CDON: variants seen among roughly 807,000 people sequenced by gnomAD.
CDON encodes cell adhesion associated, oncogene regulated.
Under a neutral mutation model 120.9 loss-of-function variants are expected in CDON, and 73 were observed. The observed-to-expected ratio is 0.60, with a 90% confidence interval of 0.50 to 0.73. The LOEUF is 0.73. Ranked by LOEUF, CDON falls within the 30% of genes least tolerant of loss-of-function variation. The probability of loss-of-function intolerance (pLI) is 0.00; values close to 1 mark genes in which losing one functional copy is unlikely to be tolerated. For synonymous variants in CDON, 566 were observed against 573.5 expected (o/e 0.99, Z 0.19); for missense variants, 1,470 against 1,587.3 (o/e 0.93, Z 1.26).
chr11:126,007,765 G>GA (rs1476562576), intron 8 of CDON, among the ~76,000 whole-genome samples: 1 of 152,130 alleles, frequency 6.6e-6, no homozygotes, highest in Non-Finnish European at 1.5e-5. Context: ...TTAAAAGGGG[G>GA]ATTCAATTAA....
chr11:126,035,694 C>T (rs1035330014), intron 1 of CDON, among the ~76,000 whole-genome samples: 6 of 152,142 alleles, frequency 3.9e-5, no homozygotes, highest in African/African-American at 1.4e-4. Context: ...TGGCCTATGT[C>T]AGGAAAACCT....
At chr11:126,016,135 C>T (rs145118232) in intron 6 of CDON, among the ~76,000 whole-genome samples, 1 of 152,270 alleles carries the variant, frequency 6.6e-6, no homozygotes, top group East Asian at 1.9e-4. Flanking sequence ...GTGTTGCTAA[C>T]CTATAGCAGG....
intron 1 of CDON, among the ~76,000 whole-genome samples, chr11:126,053,026 T>A (rs1337599423): frequency 6.6e-6 from 1 of 152,004 alleles, no homozygotes; most frequent in Non-Finnish European, 1.5e-5. Flanking sequence ...CTGGAATGGA[T>A]CCCCCATGGA....
At position 126,034,763 on chromosome 11, in the gene CDON, G is replaced by A. The variant is rs891002965; in HGVS notation, c.-61-11226C>T. On this transcript the variant is annotated intron_variant, in intron 1 of 19. Coordinates refer to ENST00000531738, the MANE Select transcript of CDON (RefSeq NM_001378964.1). The surrounding 1 kb of genome is among the most constrained non-coding windows in gnomAD (Gnocchi z 4.5). ...AAAGACAAAATATAGAAAATTTCAA[G>A]GGGATTATTTTGCAAGTCCCATGGA... Among the ~76,000 whole-genome samples the A allele has an allele frequency of 4.6e-5, 7 of 152,192 alleles. No individual in the cohort carries two copies. Among genetic ancestry groups the A allele is most frequent in the African/African-American group, 1.4e-4 (6 of 41,448 alleles).
chr11:125,971,369 C>G (rs112032876), intron 18 of CDON, among the ~76,000 whole-genome samples: 2 of 129,992 alleles, frequency 1.5e-5, no homozygotes, highest in Non-Finnish European at 3.5e-5. Flanking sequence ...GGCGACACAG[C>G]GAGACTCTGT....
chr11:125,984,021 C>T lies in CDON; in HGVS notation c.2846G>A (p.Gly949Glu). Residue 949 changes from glycine (G) to glutamate (E), a missense_variant, in exon 16 of 20, where the codon GGA (glycine) becomes GAA (glutamate). Transcript: ENST00000531738. ...LSTPPNSLGS[G>E]GNVGPATSPA... Reference sequence around the variant, plus strand: ...GCTGGTTGCAGGCCCCACATTTCCTCCACTTCCCAAAGAATTTGGAGGGGT... The same window carrying T: ...GCTGGTTGCAGGCCCCACATTTCCTTCACTTCCCAAAGAATTTGGAGGGGT... 1.2e-6 allele frequency: 2 copies of T among 1,614,056 alleles called. No homozygotes were observed. The highest frequency in any genetic ancestry group is 1.7e-6 in the Non-Finnish European group (2 of 1,179,974).
chr11:126,036,972 G>A (rs550617000), intron 1 of CDON, among the ~76,000 whole-genome samples: 3 of 152,240 alleles, frequency 2.0e-5, no homozygotes, highest in East Asian at 1.9e-4. Context: ...ACAGGCATGT[G>A]AGCCACCATA....
At position 125,978,345 on chromosome 11, in the gene CDON, A is replaced by T. The variant is rs777571952; in HGVS notation, c.3315T>A (p.Pro1105=). The T allele has an allele frequency of 1.2e-6, 2 of 1,610,192 alleles. No homozygotes were observed. The highest frequency in any genetic ancestry group is 1.7e-6 in the Non-Finnish European group (2 of 1,177,674). The change falls in exon 18 of 20, where the codon CCT becomes CCA. Residue 1105 remains proline (P), a synonymous_variant. Coordinates refer to ENST00000531738, the MANE Select transcript of CDON (RefSeq NM_001378964.1). ...GMYTAVPQID[P]LECVNCRNCR... is the part of the protein sequence containing the mutation. ...AATTTCGGCAGTTAACACACTCCAG[A>T]GGGTCAATCTGAGGCACGGCCGTGT...
At position 125,979,561 on chromosome 11, in the gene CDON, C is replaced by T. The variant is rs187989007; in HGVS notation, c.3277-1178G>A. Among the ~76,000 whole-genome samples, 465 of 152,102 alleles carry T rather than the reference C, an allele frequency of 3.1e-3. 3 individuals are homozygous for T. Among genetic ancestry groups the T allele is most frequent in the African/African-American group, 0.011 (436 of 41,494 alleles). On this transcript the variant is annotated intron_variant, in intron 17 of 19. Coordinates refer to ENST00000531738, the MANE Select transcript of CDON (RefSeq NM_001378964.1). ...TCCCCCACCCAGAAAAGTAAGAAAA[C>T]GAATAATTTAGAATCACAGATAACT...
chr11:126,012,403 T>C (rs1947329052), intron 7 of CDON, among the ~76,000 whole-genome samples: 1 of 152,034 alleles, frequency 6.6e-6, no homozygotes, highest in Non-Finnish European at 1.5e-5. Context: ...GAAAGGCAAC[T>C]GATTTTTTTT....
chr11:126,015,603 C>A lies in CDON; in HGVS notation c.929-93G>T, dbSNP rs1159395745. ...ATAAAAATCTTCTCTCTACCAATAA[C>A]CAGTTGAAACAAAGTTGCATTGTTT... On this transcript the variant is annotated intron_variant, in intron 6 of 19. Coordinates refer to ENST00000531738, the MANE Select transcript of CDON (RefSeq NM_001378964.1). The A allele has an allele frequency of 4.6e-6, 6 of 1,302,056 alleles. No individual in the cohort carries two copies. In the Admixed American group the frequency reaches 9.5e-5, roughly 21 times the overall value. The allele number at this position is 1,302,056 out of a possible 1,614,324, so 80.7% of individuals were successfully genotyped here.
At chr11:125,974,747 C>A (rs112077635) in intron 18 of CDON, among the ~76,000 whole-genome samples, 1 of 152,106 alleles carries the variant, frequency 6.6e-6, no homozygotes, top group Non-Finnish European at 1.5e-5. Flanking sequence ...GAAGCCAAGA[C>A]CAGCATTTTC....
rs1947118177 is a variant in CDON at position 126,006,031 on chromosome 11, C to T, written c.1579G>A (p.Glu527Lys). The T allele has an allele frequency of 3.1e-6, 5 of 1,613,914 alleles. No homozygotes were observed. The highest frequency in any genetic ancestry group is 1.6e-4 in the Middle Eastern group (1 of 6,084). The change falls in exon 9 of 20, where the codon GAG (glutamate) becomes AAG (lysine). Residue 527 changes from glutamate (E) to lysine (K), a missense_variant. By Grantham distance (56) the Glu-to-Lys change is moderately conservative (BLOSUM62 1). Coordinates refer to ENST00000531738, the MANE Select transcript of CDON (RefSeq NM_001378964.1). ...VVPFETNTKA[E>K]TVTLPDAAQN... ...GCAGCATCAGGAAGTGTGACTGTCTCTGCTTTTGTATTTGTTTCAAAAGGA... is the reference window on the plus strand; with the variant it reads ...GCAGCATCAGGAAGTGTGACTGTCTTTGCTTTTGTATTTGTTTCAAAAGGA...
chr11:125,994,443 A>C, intron 13 of CDON, 54 bp from the exon 14 acceptor site: 9 of 961,386 alleles, frequency 9.4e-6, no homozygotes, highest in Non-Finnish European at 1.5e-5. Context: ...TAACCTTCTC[A>C]TTCATTAAGG....
At chr11:126,013,512 T>C (rs943746534) in intron 7 of CDON, among the ~76,000 whole-genome samples, 2 of 152,102 alleles carry the variant, frequency 1.3e-5, no homozygotes, top group Non-Finnish European at 2.9e-5. Flanking sequence ...GCTTATTTCT[T>C]TTCAGTCAGC....
chr11:125,999,222 T>C (rs1946869922), intron 11 of CDON, among the ~76,000 whole-genome samples: 1 of 152,232 alleles, frequency 6.6e-6, no homozygotes, highest in African/African-American at 2.4e-5. Context: ...TTCCTTATGT[T>C]GATTCGTCTG....
In CDON at chr11:126,001,808, G is replaced by C; in HGVS notation, c.2069C>G (p.Pro690Arg). Residue 690 changes from proline to arginine, a missense_variant, in exon 11 of 20, where the codon CCC becomes CGC. Transcript: ENST00000531738. ...SSKNTQASSP[P>R]VGIPKYPVVS... ...AACGGGATACTTAGGGATGCCCACG[G>C]GTGGAGAGGATGCCTGGGTGTTTTT... 6.2e-7 allele frequency: 1 copy of C among 1,610,722 alleles called. No individual in the cohort carries two copies. The highest frequency in any genetic ancestry group is 1.1e-5 in the South Asian group (1 of 91,028).
chr11:125,998,718 T>C (rs1189722620), intron 11 of CDON, among the ~76,000 whole-genome samples: 3 of 152,232 alleles, frequency 2.0e-5, no homozygotes, highest in Non-Finnish European at 4.4e-5. Context: ...ATCCGGTCTG[T>C]ATGACAGTGA....
chr11:126,027,367 T>C (rs1947817319), intron 1 of CDON, among the ~76,000 whole-genome samples: 1 of 152,238 alleles, frequency 6.6e-6, no homozygotes, highest in Non-Finnish European at 1.5e-5. Flanking sequence ...TATCCATTAG[T>C]ACTACTGGAA....
Sources: allele counts gnomAD v4.1 joint callset (sites outside exome capture counted in the v4.1 genomes callset), GRCh38; gene constraint gnomAD v4.1.1; non-coding constraint Gnocchi (gnomAD v3.1); transcripts MANE v1.5; gene names NCBI Gene and HGNC (gene_info 2026-07-23, HGNC 2026-07-21).